Variants in SHCBP1L observed in about 807,000 individuals in gnomAD.
SHCBP1L encodes SHC binding and spindle associated 1 like.
In SHCBP1L, 67 loss-of-function variants were observed where a neutral mutation model predicts 62.5. The observed-to-expected ratio is 1.07, with a 90% CI of 0.88 to 1.31. The LOEUF (loss-of-function observed/expected upper bound fraction) is 1.31. Among genes scored for constraint, SHCBP1L ranks in the 40% most tolerant of loss-of-function variants. The pLI is 0.00. For missense variants in SHCBP1L, 823 were observed against 809.8 expected (o/e 1.02, Z -0.20); for synonymous variants, 284 against 289.4 (o/e 0.98, Z 0.19).
At chr1:182,914,892 G>A (rs922343943) in intron 6 of SHCBP1L, among the ~76,000 whole-genome samples, 5 of 151,938 alleles carry the variant, frequency 3.3e-5, no homozygotes, top group African/African-American at 4.8e-5. Flanking sequence ...ATTTCAGGCC[G>A]GGTGTGGTGG....
At chr1:182,914,209 C>G (rs1189276484) in intron 6 of SHCBP1L, among the ~76,000 whole-genome samples, 5 of 152,022 alleles carry the variant, frequency 3.3e-5, no homozygotes. Context: ...AAGAAATTGA[C>G]ATTTCTAGAT....
intron 6 of SHCBP1L, among the ~76,000 whole-genome samples, chr1:182,908,889 A>G (rs563290943): frequency 1.6e-4 from 24 of 152,338 alleles, no homozygotes; most frequent in Admixed American, 6.5e-4. Context: ...TTTTTAAAAA[A>G]TTTGTACAAT....
intron 6 of SHCBP1L, among the ~76,000 whole-genome samples, chr1:182,921,409 T>C (rs1201409277): frequency 1.3e-5 from 2 of 152,214 alleles, no homozygotes; most frequent in African/African-American, 4.8e-5. Flanking sequence ...CTTAAGGACA[T>C]AGACCATTCA....
chr1:182,915,999 G>A (rs1462091310), intron 6 of SHCBP1L, among the ~76,000 whole-genome samples: 3 of 151,916 alleles, frequency 2.0e-5, no homozygotes, highest in Admixed American at 6.6e-5. Flanking sequence ...GTGGAGACGG[G>A]GTTTCACCGT....
chr1:182,930,590 T>TAC (rs1650947519), intron 5 of SHCBP1L, among the ~76,000 whole-genome samples: 1 of 115,868 alleles, frequency 8.6e-6, no homozygotes, highest in African/African-American at 3.1e-5. Context: ...TATATATATA[T>TAC]ATATACACAT....
At chr1:182,944,942 C>A (rs975768658) in intron 2 of SHCBP1L, among the ~76,000 whole-genome samples, 1 of 140,516 alleles carries the variant, frequency 7.1e-6, no homozygotes, top group Non-Finnish European at 1.6e-5. Flanking sequence ...TGCTCATTTT[C>A]TTTTTTCTTT....
At chr1:182,904,572 T>C (rs987097151) in intron 7 of SHCBP1L, 142 bp from the exon 8 acceptor site, 63 of 817,234 alleles carry the variant, frequency 7.7e-5, no homozygotes, top group Admixed American at 1.7e-4. Flanking sequence ...TGTGTGTGTG[T>C]GTGTGCGCAT....
intron 2 of SHCBP1L, chr1:182,944,518 G>GA (rs1558005028): frequency 6.7e-6 from 1 of 148,434 alleles, no homozygotes; most frequent in Non-Finnish European, 1.5e-5. Flanking sequence ...AAAAAAAAAA[G>GA]AAAGAAAAAT....
intron 6 of SHCBP1L, among the ~76,000 whole-genome samples, chr1:182,914,891 C>T (rs972929433): frequency 5.9e-5 from 9 of 151,618 alleles, no homozygotes; most frequent in East Asian, 3.9e-4. Context: ...CATTTCAGGC[C>T]GGGTGTGGTG....
At chr1:182,911,097 C>T (rs960037910) in intron 6 of SHCBP1L, among the ~76,000 whole-genome samples, 12 of 152,056 alleles carry the variant, frequency 7.9e-5, no homozygotes, top group African/African-American at 2.7e-4. Flanking sequence ...ACCATGTTGG[C>T]CAGGCTGGTC....
chr1:182,927,091 T>C (rs1488725069), intron 6 of SHCBP1L, among the ~76,000 whole-genome samples: 2 of 21,886 alleles, frequency 9.1e-5, no homozygotes, highest in Admixed American at 1.3e-3. Context: ...TATATATATA[T>C]ATATATATAT....
At chr1:182,924,797 A>AGAGAGAAAGG (rs1557996930) in intron 6 of SHCBP1L, among the ~76,000 whole-genome samples, 2 of 122,748 alleles carry the variant, frequency 1.6e-5, no homozygotes, top group South Asian at 2.8e-4. Flanking sequence ...AGAGAGAAAG[A>AGAGAGAAAGG]AAGGAAGGAA....
At chr1:182,933,846 C>T (rs1651086074) in intron 5 of SHCBP1L, among the ~76,000 whole-genome samples, 1 of 152,096 alleles carries the variant, frequency 6.6e-6, no homozygotes, top group Admixed American at 6.5e-5. Flanking sequence ...ATTGGTCTCA[C>T]AGAATGAGTT....
intron 2 of SHCBP1L, among the ~76,000 whole-genome samples, chr1:182,949,278 CT>C (rs1651671290): frequency 7.6e-6 from 1 of 131,076 alleles, no homozygotes; most frequent in Admixed American, 7.1e-5. Flanking sequence ...CAAACTTATA[CT>C]AAAAAAAAAA....
chr1:182,902,061 CTTT>C (rs1156301250), intron 9 of SHCBP1L, among the ~76,000 whole-genome samples: 2 of 127,562 alleles, frequency 1.6e-5, no homozygotes, highest in African/African-American at 2.9e-5. Flanking sequence ...CTTTTTTTTT[CTTT>C]TTTTTTTTTT....
chr1:182,942,151 C>G (rs1651390164), intron 2 of SHCBP1L: 1 of 953,696 alleles, frequency 1.0e-6, no homozygotes, highest in Non-Finnish European at 1.7e-6. Flanking sequence ...AGGCTGGACT[C>G]TCCTCAGTTT....
Position 182,910,820 on chromosome 1 carries a change from C to T in SHCBP1L, c.1183-5171G>A, listed in dbSNP as rs537885927. 2.0e-5 allele frequency among the ~76,000 whole-genome samples: 3 copies of T among 152,302 alleles called. No individual in the cohort carries two copies. In the South Asian group the frequency reaches 6.2e-4, roughly 32 times the overall value. ...TTAGCTCTGAAGGAGTGCCTCAGCT[C>T]AGAGACAATCTGCAAACACTGGGAG... On this transcript the variant is annotated intron_variant, in intron 6 of 9. Coordinates refer to ENST00000367547, the MANE Select transcript of SHCBP1L (RefSeq NM_030933.4).
intron 6 of SHCBP1L, among the ~76,000 whole-genome samples, chr1:182,914,173 A>G (rs1272620909): frequency 1.3e-5 from 2 of 152,192 alleles, no homozygotes; most frequent in Admixed American, 6.5e-5. Context: ...TTCTATATCT[A>G]GAAAAAATAC....
chr1:182,928,193 G>A (rs1378348163), intron 6 of SHCBP1L, among the ~76,000 whole-genome samples: 1 of 152,032 alleles, frequency 6.6e-6, no homozygotes, highest in East Asian at 1.9e-4. Context: ...TCTCTTAGAT[G>A]TTAACCACCA....
Sources: gnomAD v4.1 joint callset for allele counts (sites outside exome capture counted in the v4.1 genomes callset) on GRCh38, gnomAD v4.1.1 for gene constraint, MANE v1.5 for transcripts, NCBI Gene and HGNC (gene_info 2026-07-23, HGNC 2026-07-21) for gene names.